Variants in NXPE2 observed in about 807,000 individuals in gnomAD.
The protein encoded by NXPE2 is NXPE family member 2.
A neutral mutation model predicts 34.4 loss-of-function variants in NXPE2; 34 were observed. The observed-to-expected ratio is 0.99, with a 90% confidence interval of 0.75 to 1.31. The LOEUF (loss-of-function observed/expected upper bound fraction) is 1.31. Ranked by LOEUF, NXPE2 falls within the 40% of genes most tolerant of loss-of-function variation. The pLI is 0.00. For synonymous variants in NXPE2, 235 were observed against 231.3 expected, an observed-to-expected ratio of 1.02 and a Z score of -0.15; for missense variants, 649 against 672.5, an observed-to-expected ratio of 0.97 and a Z score of 0.39.
upstream of NXPE2, among the ~76,000 whole-genome samples, chr11:114,677,814 T>A (rs553711410): frequency 3.3e-5 from 5 of 152,080 alleles, no homozygotes; most frequent in Admixed American, 6.6e-5. Flanking sequence ...CTAGACACTC[T>A]CATGCAGAGC....
At chr11:114,474,279 G>T in the NXPE2 span, among the ~76,000 whole-genome samples, 1 of 152,180 alleles carries the variant, frequency 6.6e-6, no homozygotes, top group African/African-American at 2.4e-5. Flanking sequence ...CAACAAGGGA[G>T]TAATTGCAGT....
At chr11:114,568,690 G>A in the NXPE2 span, among the ~76,000 whole-genome samples, 21 of 151,938 alleles carry the variant, frequency 1.4e-4, 1 homozygote, top group East Asian at 4.1e-3. Context: ...TTTGTCTCAC[G>A]GCTGCCTCCT....
At chr11:114,645,145 T>C in the NXPE2 span, among the ~76,000 whole-genome samples, 2 of 151,656 alleles carry the variant, frequency 1.3e-5, no homozygotes, top group African/African-American at 4.8e-5. Context: ...TTACTAAAAA[T>C]ACAAAAATTA....
chr11:114,596,698 A>T, the NXPE2 span, among the ~76,000 whole-genome samples: 2,858 of 152,294 alleles, frequency 0.019, 88 homozygotes, highest in African/African-American at 0.065. Flanking sequence ...GCCTATAATA[A>T]GAAAAAAGTA....
Position 114,705,778 on chromosome 11 carries a change from C to A in NXPE2, c.929-3C>A. 7.0e-7 allele frequency: 1 copy of A among 1,418,730 alleles called. No homozygotes were observed. Among genetic ancestry groups the A allele is most frequent in the Non-Finnish European group, 9.3e-7 (1 of 1,079,506 alleles). 87.9% of individuals were successfully genotyped at this position (1,418,730 alleles called of 1,614,324 possible). On this transcript the variant is annotated splice_region_variant and splice_polypyrimidine_tract_variant and intron_variant, in intron 4 of 5. Coordinates refer to ENST00000389586, the MANE Select transcript of NXPE2 (RefSeq NM_182495.6). ...TACTTAATCTGGAAATTTGTATTGC[C>A]AGAGAGCGAGAACATAAAAAAGAAC...
the NXPE2 span, among the ~76,000 whole-genome samples, chr11:114,650,463 A>G: frequency 1.3e-5 from 2 of 152,170 alleles, no homozygotes; most frequent in African/African-American, 4.8e-5. Context: ...TGCAGGCATG[A>G]AGGAAGTAAT....
chr11:114,701,819 T>C (rs1435204029), intron 3 of NXPE2, among the ~76,000 whole-genome samples: 1 of 152,196 alleles, frequency 6.6e-6, no homozygotes, highest in Admixed American at 6.5e-5. Flanking sequence ...GCATTTTCAA[T>C]CAAATGTGGA....
At chr11:114,635,035 G>A in the NXPE2 span, among the ~76,000 whole-genome samples, 4 of 151,906 alleles carry the variant, frequency 2.6e-5, no homozygotes, top group South Asian at 6.2e-4. Context: ...ATGGCATTGA[G>A]TCTATAAATT....
the NXPE2 span, among the ~76,000 whole-genome samples, chr11:114,552,302 T>TG: frequency 7.2e-5 from 11 of 152,122 alleles, no homozygotes; most frequent in African/African-American, 2.7e-4. Context: ...AATGAATGAA[T>TG]ACAGAAGAGA....
the NXPE2 span, among the ~76,000 whole-genome samples, chr11:114,615,884 T>G: frequency 6.6e-6 from 1 of 151,652 alleles, no homozygotes; most frequent in Non-Finnish European, 1.5e-5. Context: ...TGGTCAATAA[T>G]AAGTGTTGCC....
chr11:114,772,565 C>A, the NXPE2 span, among the ~76,000 whole-genome samples: 1 of 151,942 alleles, frequency 6.6e-6, no homozygotes, highest in Non-Finnish European at 1.5e-5. Context: ...GGTTAATTTG[C>A]CCATGTAGGA....
At chr11:114,785,188 C>G in the NXPE2 span, among the ~76,000 whole-genome samples, 1 of 152,018 alleles carries the variant, frequency 6.6e-6, no homozygotes, top group South Asian at 2.1e-4. Flanking sequence ...TCTGCATGAA[C>G]AAAGCCCAGT....
chr11:114,516,753 T>A, the NXPE2 span, among the ~76,000 whole-genome samples: 1 of 152,146 alleles, frequency 6.6e-6, no homozygotes, highest in Non-Finnish European at 1.5e-5. Context: ...CTTTTGTACA[T>A]GCTGTTCCTT....
the NXPE2 span, among the ~76,000 whole-genome samples, chr11:114,574,865 C>G: frequency 6.6e-6 from 1 of 151,940 alleles, no homozygotes; most frequent in Non-Finnish European, 1.5e-5. Context: ...CCTAATACCT[C>G]AACCAGGGAA....
chr11:114,691,156 G>A (rs576325692), intron 2 of NXPE2, among the ~76,000 whole-genome samples: 2 of 152,196 alleles, frequency 1.3e-5, no homozygotes, highest in Admixed American at 6.5e-5. Context: ...CTGGTTTTTT[G>A]TATTGCCAGA....
At chr11:114,540,359 C>A in the NXPE2 span, among the ~76,000 whole-genome samples, 34,458 of 152,080 alleles carry the variant, frequency 0.23, 5,483 homozygotes, top group African/African-American at 0.44. Context: ...TTACATATAG[C>A]AACATGATTA....
chr11:114,505,304 A>G, the NXPE2 span, among the ~76,000 whole-genome samples: 1 of 152,196 alleles, frequency 6.6e-6, no homozygotes, highest in Non-Finnish European at 1.5e-5. Flanking sequence ...AACGTATTTC[A>G]GGATATCAGC....
chr11:114,633,216 T>TTA, the NXPE2 span, among the ~76,000 whole-genome samples: 5 of 132,664 alleles, frequency 3.8e-5, no homozygotes, highest in African/African-American at 1.1e-4. Context: ...GTATATTACA[T>TTA]TATATATATA....
chr11:114,764,729 T>C, the NXPE2 span, among the ~76,000 whole-genome samples: 1 of 152,176 alleles, frequency 6.6e-6, no homozygotes, highest in African/African-American at 2.4e-5. Context: ...TTTCTCCTTG[T>C]ATTCAGTCAG....
Sources: allele counts gnomAD v4.1 joint callset (sites outside exome capture counted in the v4.1 genomes callset), GRCh38; gene constraint gnomAD v4.1.1; transcripts MANE v1.5; gene names NCBI Gene and HGNC (gene_info 2026-07-23, HGNC 2026-07-21).